The following LAMC2 variants were observed in gnomAD, a reference collection of about 807,000 sequenced individuals.
LAMC2 encodes laminin subunit gamma-2.
A neutral mutation model predicts 140.2 loss-of-function variants in LAMC2; 97 were observed. That is an observed-to-expected ratio of 0.69 (90% confidence interval 0.59 to 0.82). The LOEUF is 0.82. Ranked by LOEUF, LAMC2 falls within the 40% of genes least tolerant of loss-of-function variation. The pLI, the probability that LAMC2 is intolerant of heterozygous loss-of-function variation, is 0.00. For synonymous variants in LAMC2, 513 were observed against 540.2 expected (o/e 0.95, Z 0.70); for missense variants, 1,402 against 1,476.1 (o/e 0.95, Z 0.82).
the LAMC2 span, among the ~76,000 whole-genome samples, chr1:183,253,962 C>T: frequency 7.0e-4 from 105 of 150,094 alleles, no homozygotes; most frequent in Non-Finnish European, 1.2e-3. Context: ...TGTGTAAGAA[C>T]ACATTTTCTT....
At position 183,223,468 on chromosome 1, in the gene LAMC2, G is replaced by C. The variant is rs971288070; in HGVS notation, c.953+144G>C. Reference sequence around the variant, plus strand: ...CGTACCATGAAGGTTGCTATGTGCTGAGAAAGGACATGATTCCTTCCCTCA... The same window carrying C: ...CGTACCATGAAGGTTGCTATGTGCTCAGAAAGGACATGATTCCTTCCCTCA... On this transcript the variant is annotated intron_variant, in intron 7 of 22. Transcript: ENST00000264144. The C allele has an allele frequency of 1.5e-4, 116 of 748,514 alleles. 2 individuals carry two copies. In the Admixed American group the frequency reaches 1.6e-3, roughly 10 times the overall value. The allele number at this position is 748,514 out of a possible 1,614,324, so 46.4% of individuals were successfully genotyped here.
chr1:183,232,773 C>G lies in LAMC2; in HGVS notation c.2136C>G (p.Tyr712Ter). Residue 712 changes from tyrosine to a stop codon, truncating the protein, a stop_gained, in exon 14 of 23, where the codon TAC becomes TAG. Coordinates refer to ENST00000264144, the MANE Select transcript of LAMC2 (RefSeq NM_005562.3). LOFTEE classifies it high-confidence loss of function. ...VERVRALGSQ[Y>*]QNRVRDTHRL... ...GAGTTCGGGCTCTGGGAAGTCAGTA[C>G]CAGAACCGAGTTCGGGATACTCACA... The G allele has an allele frequency of 6.2e-7, 1 of 1,614,086 alleles. No homozygotes were observed. Among genetic ancestry groups the G allele is most frequent in the Non-Finnish European group, 8.5e-7 (1 of 1,179,988 alleles).
rs1160708758 is a variant in LAMC2, at chr1:183,225,718, A to G, written c.1064A>G (p.Tyr355Cys). 1 of 1,585,216 alleles carries G rather than the reference A, an allele frequency of 6.3e-7. No individual in the cohort carries two copies. Among genetic ancestry groups the G allele is most frequent in the East Asian group, 2.2e-5 (1 of 44,758 alleles). Residue 355 changes from tyrosine (Y) to cysteine (C), a missense_variant and splice_region_variant, in exon 8 of 23, where the codon TAC (tyrosine) becomes TGC (cysteine). Coordinates refer to ENST00000264144, the MANE Select transcript of LAMC2 (RefSeq NM_005562.3). ...CGCATCCGAGCTACATATGGAGAAT[A>G]CAGTAAGTGGCTACGAGAAATTAAT... ...ALRIRATYGE[Y>C]STGYIDNVTL...
intron 1 of LAMC2, among the ~76,000 whole-genome samples, chr1:183,204,710 G>A (rs1032004846): frequency 1.3e-5 from 2 of 152,154 alleles, no homozygotes; most frequent in Admixed American, 6.5e-5. Context: ...ACAGAAGAGG[G>A]ATGTGATAGA....
chr1:183,256,331 C>T, the LAMC2 span, among the ~76,000 whole-genome samples: 1 of 152,010 alleles, frequency 6.6e-6, no homozygotes, highest in Admixed American at 6.5e-5. Flanking sequence ...ATCACGTGAA[C>T]CCAGGAGGCG....
chr1:183,223,307 C>T lies in LAMC2; in HGVS notation c.936C>T (p.Thr312=). Residue 312 remains threonine (T), a synonymous_variant, in exon 7 of 23, where the codon ACC becomes ACT. Transcript: ENST00000264144. ...GCAAGACACTGCCTTGTGGGCTCAC[C>T]AAGACTTACACATTCAGGTAAAAAG... ...PLGKTLPCGL[T]KTYTFRLNEH... 6.2e-7 allele frequency: 1 copy of T among 1,614,132 alleles called. No individual in the cohort carries two copies. The highest frequency in any genetic ancestry group is 2.2e-5 in the East Asian group (1 of 44,876).
Position 183,240,002 on chromosome 1 carries a change from A to G in LAMC2, c.3070-38A>G, listed in dbSNP as rs112793773. On this transcript the variant is annotated intron_variant, in intron 20 of 22. Transcript: ENST00000264144. The stretch of plus-strand genomic sequence containing the variant: ...TGGGATGTTTTTGTGCCTCACCCCT[A>G]TCTCTCCTTCCGTCCCTGGCTCCTT... 12 of 1,613,392 alleles carry G rather than the reference A, an allele frequency of 7.4e-6. No individual in the cohort carries two copies. The African/African-American group carries it at 9.3e-5, about 13-fold the overall frequency.
intron 2 of LAMC2, among the ~76,000 whole-genome samples, chr1:183,210,549 A>G (rs911055794): frequency 1.3e-5 from 2 of 152,260 alleles, no homozygotes; most frequent in Non-Finnish European, 2.9e-5. Context: ...GTTGTAAGCC[A>G]GATCTTCTGA....
intron 12 of LAMC2, 39 bp downstream of exon 12, chr1:183,231,142 A>G (rs935686663): frequency 9.9e-6 from 16 of 1,612,952 alleles, no homozygotes; most frequent in Non-Finnish European, 1.4e-5. Context: ...ACCCCACAGA[A>G]TCAAATCCTT....
chr1:183,256,333 C>T, the LAMC2 span, among the ~76,000 whole-genome samples: 1 of 152,024 alleles, frequency 6.6e-6, no homozygotes, highest in African/African-American at 2.4e-5. Context: ...CACGTGAACC[C>T]AGGAGGCGGA....
downstream of LAMC2, among the ~76,000 whole-genome samples, chr1:183,245,423 C>G (rs1210115350): frequency 1.3e-5 from 2 of 152,208 alleles, no homozygotes; most frequent in African/African-American, 4.8e-5. Flanking sequence ...CTACAGATCT[C>G]TTGCTATAAT....
At chr1:183,229,584 C>T (rs1013339452) in intron 11 of LAMC2, among the ~76,000 whole-genome samples, 5 of 149,952 alleles carry the variant, frequency 3.3e-5, no homozygotes, top group Non-Finnish European at 7.4e-5. Context: ...TTGCAGTGAG[C>T]CGAGATCATG....
intron 8 of LAMC2, 107 bp from the exon 9 acceptor site, chr1:183,226,591 A>G (rs1170562418): frequency 6.3e-6 from 6 of 950,064 alleles, no homozygotes; most frequent in Non-Finnish European, 1.0e-5. Flanking sequence ...TATGAACACC[A>G]CCTGTCTTTG....
intron 3 of LAMC2, among the ~76,000 whole-genome samples, chr1:183,217,770 G>A (rs1246124368): frequency 1.3e-5 from 2 of 152,158 alleles, no homozygotes; most frequent in Non-Finnish European, 2.9e-5. Flanking sequence ...CAGGGTGGGG[G>A]ACACAACTGC....
intron 1 of LAMC2, among the ~76,000 whole-genome samples, chr1:183,191,431 T>TGA (rs1345983102): frequency 1.3e-5 from 2 of 151,998 alleles, no homozygotes; most frequent in African/African-American, 4.8e-5. Context: ...GTTAAGGTGT[T>TGA]GAGAGAATCC....
chr1:183,218,624 C>T (rs963168181), intron 4 of LAMC2, 136 bp downstream of exon 4: 15 of 744,154 alleles, frequency 2.0e-5, no homozygotes, highest in Admixed American at 4.1e-5. Context: ...TCTCTGTCCT[C>T]AAAAACTAAG....
At chr1:183,191,807 C>T (rs1658344307) in intron 1 of LAMC2, among the ~76,000 whole-genome samples, 1 of 151,102 alleles carries the variant, frequency 6.6e-6, no homozygotes, top group South Asian at 2.1e-4. Flanking sequence ...TGCAGTGACC[C>T]AAGATCATGC....
Position 183,225,719 on chromosome 1 carries a change from C to T in LAMC2, c.1065C>T (p.Tyr355=), listed in dbSNP as rs118203899. 2.5e-6 allele frequency: 4 copies of T among 1,578,480 alleles called. No individual in the cohort carries two copies. Among genetic ancestry groups the T allele is most frequent in the Non-Finnish European group, 3.5e-6 (4 of 1,147,464 alleles). The change falls in exon 8 of 23, where the codon TAC becomes TAT. Residue 355 remains tyrosine, a splice_region_variant and synonymous_variant. Transcript: ENST00000264144. ...ALRIRATYGE[Y]STGYIDNVTL... is the part of the protein sequence containing the mutation. ...GCATCCGAGCTACATATGGAGAATACAGTAAGTGGCTACGAGAAATTAATT... is the reference window on the plus strand; with the variant it reads ...GCATCCGAGCTACATATGGAGAATATAGTAAGTGGCTACGAGAAATTAATT...
intron 2 of LAMC2, among the ~76,000 whole-genome samples, chr1:183,209,453 A>G (rs772802623): frequency 5.3e-5 from 8 of 152,136 alleles, no homozygotes; most frequent in Non-Finnish European, 1.2e-4. Flanking sequence ...TCACCCCCCA[A>G]ATTCACCTAA....
Sources: gnomAD v4.1 joint callset for allele counts (sites outside exome capture counted in the v4.1 genomes callset) on GRCh38, gnomAD v4.1.1 for gene constraint, MANE v1.5 for transcripts, NCBI Gene and HGNC (gene_info 2026-07-23, HGNC 2026-07-21) for gene names.